NBPF12: variants seen among roughly 807,000 people sequenced by gnomAD.
The protein encoded by NBPF12 is NBPF member 12.
A neutral mutation model predicts 146.4 loss-of-function variants in NBPF12; 115 were observed. The ratio of observed to expected loss-of-function variants is 0.79; its 90% CI spans 0.68 to 0.92. The LOEUF (loss-of-function observed/expected upper bound fraction) is 0.92. Among genes scored for constraint, NBPF12 ranks in the 40% least tolerant of loss-of-function variants. The pLI is 0.00. For synonymous variants in NBPF12, 385 were observed against 508.9 expected, an observed-to-expected ratio of 0.76 and a Z score of 3.28; for missense variants, 1,205 against 1,326.8, an observed-to-expected ratio of 0.91 and a Z score of 1.43.
chr1:146,980,351 G>T lies in NBPF12; in HGVS notation c.2450+1341G>T, dbSNP rs1212658510. On this transcript the variant is annotated intron_variant, in intron 19 of 33. Transcript: ENST00000617844. ...TATTGTTATGTGTGAATTTGATCCT[G>T]TCGTTATGATGTTTGCTGGTTATTT... 1.3e-3 allele frequency among the ~76,000 whole-genome samples: 200 copies of T among 152,166 alleles called. 2 individuals are homozygous for T. Among genetic ancestry groups the T allele is most frequent in the African/African-American group, 4.5e-3 (186 of 41,454 alleles).
At position 146,994,534 on chromosome 1, in the gene NBPF12, C is replaced by G. The variant is rs200424287; in HGVS notation, c.4333C>G (p.Leu1445Val). ...CTTTTTTACTTTGACGGTGACAAGT[C>G]TCCACCTGGTCTTCCAGATGGGAGT... Residue 1445 changes from leucine (L) to valine (V), a missense_variant, in exon 34 of 34, where the codon CTC becomes GTC. By Grantham distance (32) the Leu-to-Val change is conservative (BLOSUM62 1). This residue lies in a region of NBPF12 where 210 missense variants were observed against 94.4 expected (regional missense o/e 2.22). Coordinates refer to ENST00000617844, the Ensembl canonical transcript of NBPF12. 9.4e-3 allele frequency: 15,189 copies of G among 1,609,656 alleles called. 153 individuals are homozygous for G. Among genetic ancestry groups the G allele is most frequent in the Middle Eastern group, 0.035 (156 of 4,434 alleles).
At chr1:146,954,926 T>C (rs1379682539) in intron 2 of NBPF12, among the ~76,000 whole-genome samples, 1 of 121,086 alleles carries the variant, frequency 8.3e-6, no homozygotes, top group Non-Finnish European at 1.7e-5. Flanking sequence ...TGTGTGTATA[T>C]ATATATATTC....
chr1:146,938,563 CCGCGGCCCG>C (rs1654636784), upstream of NBPF12, among the ~76,000 whole-genome samples: 1 of 152,078 alleles, frequency 6.6e-6, no homozygotes, highest in African/African-American at 2.4e-5. Context: ...TTTTCTCCGC[CCGCGGCCCG>C]AACCCGTTGT....
intron 21 of NBPF12, 70 bp from the exon 25 acceptor site, chr1:146,984,743 G>T (rs1227461738): frequency 2.4e-6 from 2 of 822,394 alleles, no homozygotes; most frequent in Non-Finnish European, 4.3e-6. Flanking sequence ...TGTTAGCCAT[G>T]AAATCTAGCT....
chr1:146,965,802 A>C lies in NBPF12; in HGVS notation c.779-662A>C, dbSNP rs1437211849. ...GCGAGACTGCATCTCAAAAAAAAAA[A>C]AAAAAAAAAAAAAAAAAAGTCTCTG... On this transcript the variant is annotated intron_variant, in intron 8 of 33. Coordinates refer to ENST00000617844, the Ensembl canonical transcript of NBPF12. 3.1e-4 allele frequency among the ~76,000 whole-genome samples: 42 copies of C among 137,682 alleles called. 1 individual carries two copies. The Admixed American group carries it at 3.1e-3, about 10-fold the overall frequency. 90.3% of individuals were successfully genotyped at this position (137,682 alleles called of 152,430 possible). A position where few individuals can be genotyped will look rare whatever the true frequency, so the allele number is the denominator to read the frequency against.
Position 146,971,207 on chromosome 1 carries a change from C to T in NBPF12, c.1404C>T (p.Ser468=), listed in dbSNP as rs1441212213. ...GGGAGATGCAGAAGGCTGAAGAAAGCAAAGTCCCTGAGGACTCACTGGAGG... is the reference window on the plus strand; with the variant it reads ...GGGAGATGCAGAAGGCTGAAGAAAGTAAAGTCCCTGAGGACTCACTGGAGG... Residue 468 remains serine, a synonymous_variant, in exon 13 of 34, where the codon AGC becomes AGT. Transcript: ENST00000617844. 5.9e-5 allele frequency: 95 copies of T among 1,611,622 alleles called. 1 individual carries two copies. The highest frequency in any genetic ancestry group is 7.9e-5 in the Non-Finnish European group (93 of 1,179,754).
chr1:146,942,449 T>G (rs1327832422), intron 1 of NBPF12, among the ~76,000 whole-genome samples: 2 of 151,998 alleles, frequency 1.3e-5, no homozygotes, highest in African/African-American at 4.8e-5. Flanking sequence ...GAGATTTTGT[T>G]TCTTTTATTC....
exon 9 of NBPF12, chr1:146,966,543 G>A: frequency 1.4e-6 from 2 of 1,440,670 alleles, no homozygotes; most frequent in East Asian, 4.5e-5. Flanking sequence ...AGGCAGAGAT[G>A]AACATTCTAG....
At chr1:146,984,243 C>G in intron 21 of NBPF12, 58 bp downstream of exon 24, 1 of 786,804 alleles carries the variant, frequency 1.3e-6, no homozygotes. Flanking sequence ...GATGCCAAGT[C>G]CAGGGAAAAC....
At chr1:146,994,723 A>C in exon 34 of NBPF12, 1 of 1,353,554 alleles carries the variant, frequency 7.4e-7, no homozygotes, top group South Asian at 1.4e-5. Context: ...AGAGCATGCC[A>C]GTGGCAACCT....
intron 22 of NBPF12, 46 bp downstream of exon 25, chr1:146,985,031 G>T (rs1281261600): frequency 2.0e-5 from 19 of 952,624 alleles, no homozygotes; most frequent in Non-Finnish European, 2.9e-5. Flanking sequence ...TGAGTCTTCT[G>T]GTTAGGGTCA....
exon 6 of NBPF12, chr1:146,963,280 C>A: frequency 6.2e-7 from 1 of 1,612,004 alleles, no homozygotes; most frequent in Non-Finnish European, 8.5e-7. Flanking sequence ...TGTAGACTGG[C>A]ACAGCAACTT....
chr1:146,995,715 G>C (rs587639787), exon 34 of NBPF12: 1 of 149,468 alleles, frequency 6.7e-6, no homozygotes, highest in African/African-American at 2.6e-5. Flanking sequence ...GCCCATCTGC[G>C]GGCAGAGAAG....
intron 16 of NBPF12, among the ~76,000 whole-genome samples, chr1:146,976,139 C>CACA (rs1440624538): frequency 6.8e-6 from 1 of 148,066 alleles, no homozygotes; most frequent in Non-Finnish European, 1.5e-5. Context: ...CAGCATCTGT[C>CACA]TAGTTTTAAA....
intron 21 of NBPF12, 119 bp downstream of exon 24, chr1:146,984,304 G>A (rs1390435600): frequency 6.4e-6 from 5 of 777,378 alleles, no homozygotes; most frequent in African/African-American, 5.1e-5. Flanking sequence ...TCTGAATTAT[G>A]CCTACTGCAT....
intron 2 of NBPF12, among the ~76,000 whole-genome samples, chr1:146,953,452 G>A (rs1284056947): frequency 6.6e-4 from 87 of 131,112 alleles, no homozygotes; most frequent in African/African-American, 2.3e-3. Context: ...AGTGTGATCC[G>A]CCCGCCTCAG....
chr1:146,966,295 A>C lies in NBPF12; in HGVS notation c.779-169A>C, dbSNP rs1412578567. 3.3e-5 allele frequency among the ~76,000 whole-genome samples: 5 copies of C among 151,930 alleles called. 2 individuals are homozygous for C. Among genetic ancestry groups the C allele is most frequent in the African/African-American group, 1.2e-4 (5 of 41,206 alleles). ...CTTTAAAGGTGACTGCATAGCTAAG[A>C]CAAGTTGACTTAAAGGAGATCAAGA... On this transcript the variant is annotated intron_variant, in intron 8 of 33. Coordinates refer to ENST00000617844, the Ensembl canonical transcript of NBPF12.
intron 15 of NBPF12, among the ~76,000 whole-genome samples, chr1:146,975,453 A>C (rs1656928441): frequency 6.7e-6 from 1 of 150,258 alleles, no homozygotes; most frequent in South Asian, 2.1e-4. Context: ...GGGAAAGATG[A>C]ATGGAACATC....
At chr1:146,966,716 T>C in intron 9 of NBPF12, 43 bp downstream of exon 12, 1 of 1,067,888 alleles carries the variant, frequency 9.4e-7, no homozygotes, top group South Asian at 1.2e-5. Flanking sequence ...ATGAACAACG[T>C]CCTGTCTTCT....
Sources: gnomAD v4.1 joint callset for allele counts (sites outside exome capture counted in the v4.1 genomes callset) on GRCh38, gnomAD v4.1.1 for gene constraint, gnomAD v4.1.1 regional missense constraint, MANE v1.5 for transcripts, NCBI Gene and HGNC (gene_info 2026-07-23, HGNC 2026-07-21) for gene names.